The following MCTP1 variants were observed in gnomAD, a reference collection of about 807,000 sequenced individuals.
MCTP1 encodes the protein multiple C2 and transmembrane domain containing 1, also known as multiple C2 and transmembrane domain-containing protein 1.
A neutral mutation model predicts 120.6 loss-of-function variants in MCTP1; 69 were observed. The observed-to-expected ratio is 0.57, with a 90% confidence interval of 0.47 to 0.70. MCTP1 has a LOEUF of 0.70. Ranked by LOEUF, MCTP1 falls within the 30% of genes least tolerant of loss-of-function variation. The pLI is 0.00. For synonymous variants in MCTP1, 529 were observed against 493.1 expected, an observed-to-expected ratio of 1.07 and a Z score of -0.96; for missense variants, 1,203 against 1,248.8, an observed-to-expected ratio of 0.96 and a Z score of 0.55.
chr5:94,945,481 T>G (rs1818700489), intron 3 of MCTP1, among the ~76,000 whole-genome samples: 1 of 152,164 alleles, frequency 6.6e-6, no homozygotes, highest in Non-Finnish European at 1.5e-5. Context: ...AGTTTTAATT[T>G]GGCGGTTCAA....
chr5:94,708,581 C>G lies in MCTP1; in HGVS notation c.2859G>C (p.Arg953=), dbSNP rs199785813. The G allele has an allele frequency of 6.2e-7, 1 of 1,610,742 alleles. No individual in the cohort carries two copies. The highest frequency in any genetic ancestry group is 2.2e-5 in the East Asian group (1 of 44,778). ...WGINKFTKKL[R]SPYAIDNNEL... ...CATTGTTATCAATTGCATATGGACT[C>G]CGAAGCTTTTTTGTAAATTTATTGA... Residue 953 remains arginine (R), a synonymous_variant, in exon 22 of 23, where the codon CGG becomes CGC. Coordinates refer to ENST00000515393, the MANE Select transcript of MCTP1 (RefSeq NM_024717.7).
chr5:94,999,753 T>C (rs1356471523), intron 2 of MCTP1, among the ~76,000 whole-genome samples: 2 of 152,204 alleles, frequency 1.3e-5, no homozygotes, highest in African/African-American at 4.8e-5. Context: ...AGAATCTCTT[T>C]AAGAAATTGG....
intron 4 of MCTP1, among the ~76,000 whole-genome samples, chr5:94,941,321 C>A (rs1817658359): frequency 6.6e-6 from 1 of 152,026 alleles, no homozygotes; most frequent in East Asian, 1.9e-4. Flanking sequence ...GAGGTGTGAG[C>A]CTGTGCTAGG....
At chr5:95,279,570 T>C (rs1218041536) in intron 1 of MCTP1, among the ~76,000 whole-genome samples, 1 of 152,180 alleles carries the variant, frequency 6.6e-6, no homozygotes, top group Non-Finnish European at 1.5e-5. Flanking sequence ...CAGTATACTT[T>C]CCAATAATAA....
chr5:94,763,848 C>G (rs1771920059), intron 19 of MCTP1, among the ~76,000 whole-genome samples: 1 of 152,154 alleles, frequency 6.6e-6, no homozygotes, highest in African/African-American at 2.4e-5. Context: ...ACTTTGATTA[C>G]TGCTATACAA....
At chr5:94,829,380 G>A (rs188041451) in intron 17 of MCTP1, among the ~76,000 whole-genome samples, 77 of 152,294 alleles carry the variant, frequency 5.1e-4, no homozygotes, top group African/African-American at 1.3e-3. Flanking sequence ...CGTTGGTCTC[G>A]CTGGGAGCTG....
intron 11 of MCTP1, among the ~76,000 whole-genome samples, chr5:94,890,553 CTAAAAA>C (rs1047830730): frequency 5.3e-5 from 8 of 151,866 alleles, no homozygotes; most frequent in Non-Finnish European, 7.4e-5. Context: ...AAATTGATGA[CTAAAAA>C]TAAATTCAAA....
At position 95,170,482 on chromosome 5, in the gene MCTP1, G is replaced by A. The variant is rs546340203; in HGVS notation, c.720+113374C>T. On this transcript the variant is annotated intron_variant, in intron 1 of 22. Transcript: ENST00000515393. ...GAATATCCTTTTAACTTTCTGTCTC[G>A]TTGATCTGTCTAATGTTGACAGTGG... 5.9e-5 allele frequency among the ~76,000 whole-genome samples: 9 copies of A among 152,194 alleles called. No individual in the cohort carries two copies. The South Asian group carries it at 8.3e-4, about 14-fold the overall frequency.
At chr5:94,778,930 G>A (rs535449426) in intron 19 of MCTP1, among the ~76,000 whole-genome samples, 180 bp downstream of exon 19, 3 of 152,280 alleles carry the variant, frequency 2.0e-5, no homozygotes, top group South Asian at 2.1e-4. Flanking sequence ...CAAAAGCAAA[G>A]AGGATTTATA....
At chr5:95,212,621 A>G (rs1454264114) in intron 1 of MCTP1, among the ~76,000 whole-genome samples, 1 of 152,036 alleles carries the variant, frequency 6.6e-6, no homozygotes, top group Non-Finnish European at 1.5e-5. Flanking sequence ...TCAATAAAAT[A>G]CTGGCAAACC....
intron 2 of MCTP1, among the ~76,000 whole-genome samples, chr5:94,994,940 T>C (rs1832320588): frequency 6.6e-6 from 1 of 152,198 alleles, no homozygotes; most frequent in Admixed American, 6.5e-5. Flanking sequence ...TCTACACCAG[T>C]GTTTTGCCAG....
chr5:94,744,869 T>C (rs1402187016), intron 19 of MCTP1, among the ~76,000 whole-genome samples: 1 of 152,042 alleles, frequency 6.6e-6, no homozygotes, highest in Non-Finnish European at 1.5e-5. Flanking sequence ...ACTAAAACTG[T>C]GTTCAGCTCA....
chr5:95,037,404 T>C (rs1841530284), intron 1 of MCTP1, among the ~76,000 whole-genome samples: 1 of 152,182 alleles, frequency 6.6e-6, no homozygotes, highest in Admixed American at 6.5e-5. Context: ...TAAATCTACC[T>C]ATGCATTGCC....
At chr5:94,982,012 A>AT (rs1829516788) in intron 2 of MCTP1, among the ~76,000 whole-genome samples, 1 of 152,214 alleles carries the variant, frequency 6.6e-6, no homozygotes, top group Admixed American at 6.5e-5. Flanking sequence ...GAATATACCT[A>AT]TAACAGAAAA....
intron 1 of MCTP1, among the ~76,000 whole-genome samples, chr5:95,142,269 G>C (rs1009570874): frequency 4.6e-5 from 7 of 152,148 alleles, no homozygotes; most frequent in African/African-American, 1.7e-4. Context: ...AAATTGCCAA[G>C]TCTCCAGATA....
chr5:94,929,445 A>G (rs1048093851), intron 6 of MCTP1, among the ~76,000 whole-genome samples: 1 of 152,248 alleles, frequency 6.6e-6, no homozygotes, highest in Non-Finnish European at 1.5e-5. Context: ...GTTATATCAT[A>G]TATGAAATAC....
chr5:94,755,527 G>A (rs6870422), intron 19 of MCTP1, among the ~76,000 whole-genome samples: 2,287 of 152,222 alleles, frequency 0.015, 66 homozygotes, highest in African/African-American at 0.051. Context: ...CGAGGACCAC[G>A]ACCACAACTA....
chr5:94,874,432 C>T (rs2153329961), intron 12 of MCTP1, among the ~76,000 whole-genome samples: 1 of 152,198 alleles, frequency 6.6e-6, no homozygotes, highest in Non-Finnish European at 1.5e-5. Flanking sequence ...AACTTTGACT[C>T]ACCTTTAATT....
At chr5:94,894,867 CT>C (rs34628738) in intron 10 of MCTP1, 32 bp from the exon 11 acceptor site, 78,800 of 966,094 alleles carry the variant, frequency 0.082, 1 homozygote, top group South Asian at 0.12. Flanking sequence ...CAGCAAGTGG[CT>C]TTTTTTTTTT....
Sources: gnomAD v4.1 joint callset for allele counts (sites outside exome capture counted in the v4.1 genomes callset) on GRCh38, gnomAD v4.1.1 for gene constraint, MANE v1.5 for transcripts, NCBI Gene and HGNC (gene_info 2026-07-23, HGNC 2026-07-21) for gene names.